The following KLF7 variants were observed in gnomAD, a reference collection of about 807,000 sequenced individuals.
KLF7 encodes KLF transcription factor 7.
KLF7 carries 2 observed loss-of-function variants against 27.3 expected under a neutral mutation model. The ratio of observed to expected loss-of-function variants is 0.07; its 90% CI spans 0.03 to 0.23. The LOEUF (loss-of-function observed/expected upper bound fraction) is 0.23, where lower values mean the gene tolerates loss of function less well. Ranked by LOEUF, KLF7 falls within the 10% of genes least tolerant of loss-of-function variation. The pLI, the probability that KLF7 is intolerant of heterozygous loss-of-function variation, is 1.00. For missense variants in KLF7, 221 were observed against 394.1 expected (o/e 0.56, Z 3.72); for synonymous variants, 165 against 162.4 (o/e 1.02, Z -0.12).
chr2:207,170,466 CATTG>C (rs1345429311), upstream of KLF7, among the ~76,000 whole-genome samples: 3 of 152,222 alleles, frequency 2.0e-5, no homozygotes, highest in East Asian at 5.8e-4. Flanking sequence ...GAGCTAAAAT[CATTG>C]ATAAGGGTAG....
intron 1 of KLF7, among the ~76,000 whole-genome samples, chr2:207,126,219 A>G (rs2077472397): frequency 6.6e-6 from 1 of 152,176 alleles, no homozygotes; most frequent in South Asian, 2.1e-4. Flanking sequence ...GCTAGAAATT[A>G]TCACTTACAT....
At chr2:207,130,790 A>G (rs2077610448) in intron 1 of KLF7, among the ~76,000 whole-genome samples, 1 of 152,252 alleles carries the variant, frequency 6.6e-6, no homozygotes, top group African/African-American at 2.4e-5. Flanking sequence ...CCCAATAACT[A>G]TGCCACTTTG....
rs2076219731 is a variant in KLF7 at position 207,078,869 on chromosome 2, G to A, written c.*2344C>T. On this transcript the variant is annotated 3_prime_UTR_variant, in exon 4 of 4. Coordinates refer to ENST00000309446, the MANE Select transcript of KLF7 (RefSeq NM_003709.4). ...GCACTCAAATGCAGCAGAGAACTAC[G>A]AGATTGTCAGCAAGCAGTGCTCCAG... 7 of 152,254 alleles carry A rather than the reference G, an allele frequency of 4.6e-5. No homozygotes were observed. Among genetic ancestry groups the A allele is most frequent in the South Asian group, 2.1e-4 (1 of 4,824 alleles). The allele number at this position is 152,254 out of a possible 1,614,324, so 9.4% of individuals were successfully genotyped here.
At chr2:207,089,785 T>C (rs2076469537) in intron 2 of KLF7, among the ~76,000 whole-genome samples, 2 of 152,158 alleles carry the variant, frequency 1.3e-5, no homozygotes, top group African/African-American at 4.8e-5. Flanking sequence ...ATGCATATTA[T>C]ATATTAATTA....
chr2:207,112,655 C>T (rs935199866), intron 2 of KLF7, among the ~76,000 whole-genome samples: 2 of 152,346 alleles, frequency 1.3e-5, no homozygotes, highest in African/African-American at 4.8e-5. Context: ...TTTACATACA[C>T]TTTCTCAACC....
chr2:207,109,915 A>G lies in KLF7; in HGVS notation c.733+13859T>C, dbSNP rs76232933. On this transcript the variant is annotated intron_variant, in intron 2 of 3. Coordinates refer to ENST00000309446, the MANE Select transcript of KLF7 (RefSeq NM_003709.4). ...CAATCTCTTCAAGTGGCAAGGGATA[A>G]GCTAATACATGTAAAAGCCACAGAT... 236 of 154,960 alleles carry G rather than the reference A, an allele frequency of 1.5e-3. 2 individuals carry two copies. The highest frequency in any genetic ancestry group is 5.4e-3 in the African/African-American group (224 of 41,660). The allele number at this position is 154,960 out of a possible 1,614,324, so 9.6% of individuals were successfully genotyped here.
chr2:207,119,887 G>C (rs575333424), intron 2 of KLF7, among the ~76,000 whole-genome samples: 5 of 152,284 alleles, frequency 3.3e-5, no homozygotes, highest in Non-Finnish European at 5.9e-5. Context: ...ACTTTTAGTA[G>C]AGACGGGTGT....
intron 2 of KLF7, among the ~76,000 whole-genome samples, chr2:207,117,899 C>T (rs1369685547): frequency 6.6e-6 from 1 of 152,182 alleles, no homozygotes; most frequent in Admixed American, 6.5e-5. Context: ...CCATCACCAC[C>T]CTTCAGCACT....
upstream of KLF7, chr2:207,166,133 C>T (rs1274595459): frequency 4.1e-6 from 4 of 984,174 alleles, no homozygotes; most frequent in South Asian, 4.7e-5. Context: ...TCCCTCCGTT[C>T]GGTTCTCCGC....
intron 1 of KLF7, among the ~76,000 whole-genome samples, chr2:207,138,263 C>T (rs1332852818): frequency 6.6e-6 from 1 of 152,230 alleles, no homozygotes; most frequent in Non-Finnish European, 1.5e-5. Context: ...AATCTAATTT[C>T]CAATCCAGTT....
At chr2:207,140,169 G>A (rs1223094866) in intron 1 of KLF7, among the ~76,000 whole-genome samples, 1 of 152,170 alleles carries the variant, frequency 6.6e-6, no homozygotes, top group Non-Finnish European at 1.5e-5. Flanking sequence ...TTACAGGCAT[G>A]AGCCACTGGG....
intron 2 of KLF7, among the ~76,000 whole-genome samples, chr2:207,119,798 G>A (rs1183814014): frequency 6.6e-6 from 1 of 152,128 alleles, no homozygotes; most frequent in Non-Finnish European, 1.5e-5. Context: ...CCGCCTCCTG[G>A]GGTCAAGCGA....
chr2:207,153,267 C>A (rs2078292353), intron 1 of KLF7, among the ~76,000 whole-genome samples: 1 of 152,074 alleles, frequency 6.6e-6, no homozygotes, highest in Non-Finnish European at 1.5e-5. Context: ...ATGGTTTATT[C>A]TTTTAAGAAC....
intron 1 of KLF7, among the ~76,000 whole-genome samples, chr2:207,145,506 G>A (rs1574558648): frequency 6.6e-6 from 1 of 152,314 alleles, no homozygotes; most frequent in East Asian, 1.9e-4. Context: ...TGAAATACAG[G>A]TGTCAGTTGT....
chr2:207,090,159 T>C (rs1014623087), intron 2 of KLF7, among the ~76,000 whole-genome samples: 10 of 152,020 alleles, frequency 6.6e-5, no homozygotes, highest in Non-Finnish European at 2.9e-5. Flanking sequence ...AACACGGGCA[T>C]TTCTTTTAAA....
chr2:207,134,445 C>T (rs1276899528), intron 1 of KLF7, among the ~76,000 whole-genome samples: 2 of 152,012 alleles, frequency 1.3e-5, no homozygotes, highest in South Asian at 2.1e-4. Flanking sequence ...GCTTTCAAAA[C>T]GGAGAGCTTT....
intron 1 of KLF7, among the ~76,000 whole-genome samples, chr2:207,126,068 T>G (rs552381864): frequency 6.6e-6 from 1 of 152,218 alleles, no homozygotes; most frequent in South Asian, 2.1e-4. Context: ...AAATAATAGC[T>G]CTGACTCAGT....
chr2:207,136,624 T>C (rs1222374456), intron 1 of KLF7, among the ~76,000 whole-genome samples: 1 of 152,190 alleles, frequency 6.6e-6, no homozygotes, highest in African/African-American at 2.4e-5. Flanking sequence ...TGCTTGCATG[T>C]TTATCGTTTA....
Position 207,088,507 on chromosome 2 carries a change from A to G in KLF7, c.808T>C (p.Tyr270His). The change falls in exon 3 of 4, where the codon TAC becomes CAC. Residue 270 changes from tyrosine to histidine, a missense_variant. This residue lies in a region of KLF7 where 30 missense variants were observed against 115.4 expected (regional missense o/e 0.26). Coordinates refer to ENST00000309446, the MANE Select transcript of KLF7 (RefSeq NM_003709.4). Reference sequence around the variant, plus strand: ...GGCTTTGCACCTGTGTGTTTCCTGTAGTGCCTCGTGAGCTCATCGCTTCGT... The same window carrying G: ...GGCTTTGCACCTGTGTGTTTCCTGTGGTGCCTCGTGAGCTCATCGCTTCGT... ...FARSDELTRH[Y>H]RKHTGAKPFK... 1 of 1,614,086 alleles carries G rather than the reference A, an allele frequency of 6.2e-7. No homozygotes were observed. The highest frequency in any genetic ancestry group is 8.5e-7 in the Non-Finnish European group (1 of 1,179,966).
Sources: gnomAD v4.1 joint callset for allele counts (sites outside exome capture counted in the v4.1 genomes callset) on GRCh38, gnomAD v4.1.1 for gene constraint, gnomAD v4.1.1 regional missense constraint, MANE v1.5 for transcripts, NCBI Gene and HGNC (gene_info 2026-07-23, HGNC 2026-07-21) for gene names.